Variants in ZNF385D observed in about 807,000 individuals in gnomAD.
The protein encoded by ZNF385D is zinc finger protein 385D, also known as zinc finger protein 659.
In ZNF385D, 15 loss-of-function variants were observed where a neutral mutation model predicts 35.8. The observed-to-expected ratio is 0.42, with a 90% CI of 0.28 to 0.64. ZNF385D has a LOEUF of 0.64. Among genes scored for constraint, ZNF385D ranks in the 30% least tolerant of loss-of-function variants. The pLI, the probability that ZNF385D is intolerant of heterozygous loss-of-function variation, is 0.23. For synonymous variants in ZNF385D, 212 were observed against 186.8 expected (o/e 1.13, Z -1.10); for missense variants, 474 against 494.6 (o/e 0.96, Z 0.39).
chr3:22,047,626 A>G (rs1699084666), intron 3 of ZNF385D, among the ~76,000 whole-genome samples: 1 of 151,924 alleles, frequency 6.6e-6, no homozygotes, highest in South Asian at 2.1e-4. Context: ...AAATATACAC[A>G]TTTTCTTTAT....
chr3:21,572,103 C>A (rs2063352440), intron 2 of ZNF385D, among the ~76,000 whole-genome samples: 1 of 152,120 alleles, frequency 6.6e-6, no homozygotes, highest in Admixed American at 6.6e-5. Context: ...CATGGTTAGT[C>A]TTTCTGGTGA....
chr3:21,667,204 C>T (rs1184195268), intron 1 of ZNF385D, among the ~76,000 whole-genome samples: 5 of 152,186 alleles, frequency 3.3e-5, no homozygotes, highest in Non-Finnish European at 7.3e-5. Flanking sequence ...TCTTGTTTCC[C>T]AGGCTGGAGT....
chr3:22,180,206 G>A (rs1019981904), intron 2 of ZNF385D, among the ~76,000 whole-genome samples: 2 of 152,116 alleles, frequency 1.3e-5, no homozygotes, highest in African/African-American at 2.4e-5. Context: ...TAAATTCCTC[G>A]ACACATACAC....
chr3:21,958,209 A>G (rs1041026746), intron 3 of ZNF385D, among the ~76,000 whole-genome samples: 16 of 152,156 alleles, frequency 1.1e-4, no homozygotes, highest in African/African-American at 3.4e-4. Flanking sequence ...ATCAGCGTGC[A>G]CCAATAATGG....
chr3:22,259,238 C>A (rs1035099457), intron 2 of ZNF385D, among the ~76,000 whole-genome samples: 1 of 151,724 alleles, frequency 6.6e-6, no homozygotes, highest in African/African-American at 2.4e-5. Flanking sequence ...GTAATAATAT[C>A]ATCTCTGAGC....
At chr3:21,673,378 T>C (rs1050141177) in intron 1 of ZNF385D, among the ~76,000 whole-genome samples, 2 of 152,146 alleles carry the variant, frequency 1.3e-5, no homozygotes, top group Admixed American at 6.6e-5. Context: ...GAAGGTGCTA[T>C]TGGACATTAC....
chr3:21,609,045 T>G (rs721623), intron 2 of ZNF385D, among the ~76,000 whole-genome samples: 79,050 of 152,060 alleles, frequency 0.52, 20,823 homozygotes, highest in East Asian at 0.66. Context: ...TATCAAGCAC[T>G]TTCATGAGGA....
intron 2 of ZNF385D, among the ~76,000 whole-genome samples, chr3:22,267,473 A>G (rs1203641850): frequency 2.0e-4 from 31 of 151,866 alleles, no homozygotes; most frequent in Admixed American, 2.0e-3. Context: ...TATTTTTATT[A>G]TTTTGAAACA....
intron 3 of ZNF385D, among the ~76,000 whole-genome samples, chr3:22,039,254 C>T (rs76167625): frequency 0.016 from 1,037 of 63,956 alleles, 19 homozygotes; most frequent in African/African-American, 0.043. Flanking sequence ...ATAATCCAAG[C>T]CAAAAAAAAA....
intron 2 of ZNF385D, among the ~76,000 whole-genome samples, chr3:22,228,704 C>G (rs575259374): frequency 5.3e-5 from 8 of 152,228 alleles, no homozygotes; most frequent in Non-Finnish European, 1.0e-4. Context: ...AACATTTGAG[C>G]CAGTGGACTG....
intron 3 of ZNF385D, among the ~76,000 whole-genome samples, chr3:22,137,223 G>A (rs1261970939): frequency 6.6e-6 from 1 of 152,146 alleles, no homozygotes; most frequent in East Asian, 1.9e-4. Flanking sequence ...CGGATTCACA[G>A]CCGAATTCTA....
In ZNF385D at chr3:21,415,957, G is replaced by A. The variant is rs1023203731; in HGVS notation, c.*5257C>T. 2.0e-5 allele frequency: 3 copies of A among 151,488 alleles called. No homozygotes were observed. Among genetic ancestry groups the A allele is most frequent in the Admixed American group, 6.6e-5 (1 of 15,138 alleles). The allele number at this position is 151,488 out of a possible 1,614,324, so 9.4% of individuals were successfully genotyped here. ...TTCAGTCCCTTGACATCTGAACATT[G>A]ATGACCCAACCAGAGAATTCTTTAA... On this transcript the variant is annotated 3_prime_UTR_variant, in exon 8 of 8. Transcript: ENST00000281523.
At chr3:22,058,782 A>T (rs1473601357) in intron 3 of ZNF385D, among the ~76,000 whole-genome samples, 1 of 152,226 alleles carries the variant, frequency 6.6e-6, no homozygotes, top group Non-Finnish European at 1.5e-5. Flanking sequence ...CTGAAATTTT[A>T]ACCATAATTT....
chr3:21,785,378 T>TG (rs1575645918), intron 3 of ZNF385D, among the ~76,000 whole-genome samples: 1 of 152,156 alleles, frequency 6.6e-6, no homozygotes, highest in South Asian at 2.1e-4. Context: ...ATCATTTTTT[T>TG]TGTGTGTATA....
chr3:22,007,445 A>G (rs1392676819), intron 3 of ZNF385D, among the ~76,000 whole-genome samples: 1 of 152,248 alleles, frequency 6.6e-6, no homozygotes, highest in Non-Finnish European at 1.5e-5. Flanking sequence ...ACTTTGGATG[A>G]ATAACCTTGT....
intron 4 of ZNF385D, among the ~76,000 whole-genome samples, chr3:21,446,357 G>A (rs1336794241): frequency 1.3e-5 from 2 of 152,074 alleles, no homozygotes; most frequent in African/African-American, 2.4e-5. Flanking sequence ...GAGTTCCTGC[G>A]ACATGGGACT....
intron 4 of ZNF385D, among the ~76,000 whole-genome samples, chr3:21,494,087 T>C (rs1486033056): frequency 6.6e-6 from 1 of 152,166 alleles, no homozygotes. Context: ...AAATGATTTC[T>C]CATGCAAATC....
intron 1 of ZNF385D, among the ~76,000 whole-genome samples, chr3:21,688,005 C>CTACCTTA (rs2067162880): frequency 6.6e-6 from 1 of 152,026 alleles, no homozygotes; most frequent in Non-Finnish European, 1.5e-5. Context: ...AGGGATCCTG[C>CTACCTTA]TACCTTAGCC....
chr3:21,667,088 C>T (rs953020247), intron 1 of ZNF385D, among the ~76,000 whole-genome samples: 3 of 152,092 alleles, frequency 2.0e-5, no homozygotes, highest in African/African-American at 7.2e-5. Context: ...AAAACAAAAA[C>T]TCAGAAGTAA....
Sources: gnomAD v4.1 joint callset for allele counts (sites outside exome capture counted in the v4.1 genomes callset) on GRCh38, gnomAD v4.1.1 for gene constraint, MANE v1.5 for transcripts, NCBI Gene and HGNC (gene_info 2026-07-23, HGNC 2026-07-21) for gene names.